Variants in GRAP2 observed in about 807,000 individuals in gnomAD.
GRAP2 encodes GRB2 related adaptor protein 2.
GRAP2 carries 31 observed loss-of-function variants against 43.5 expected under a neutral mutation model. That is an observed-to-expected ratio of 0.71 (90% CI 0.54 to 0.96). GRAP2 has a LOEUF of 0.96. GRAP2 is among the 40% of genes least tolerant of loss of function. The probability of loss-of-function intolerance (pLI) is 0.00; values close to 1 mark genes in which losing one functional copy is unlikely to be tolerated. For synonymous variants in GRAP2, 156 were observed against 164.8 expected (o/e 0.95, Z 0.41); for missense variants, 371 against 424.4 (o/e 0.87, Z 1.11).
In GRAP2 at chr22:39,973,096, C is replaced by T. The variant is rs1164517944; in HGVS notation, c.*2012C>T. 6.6e-6 allele frequency: 1 copy of T among 152,476 alleles called. No homozygotes were observed. The highest frequency in any genetic ancestry group is 1.5e-5 in the Non-Finnish European group (1 of 68,078). The allele number at this position is 152,476 out of a possible 1,614,324, so 9.4% of individuals were successfully genotyped here. On this transcript the variant is annotated 3_prime_UTR_variant, in exon 8 of 8. Coordinates refer to ENST00000344138, the MANE Select transcript of GRAP2 (RefSeq NM_004810.4). Reference sequence around the variant, plus strand: ...GAAAGAACAAAGGCAGAGAAGACCTCCTCAGCTATTTTGGTGCTAGGTAAT... The same window carrying T: ...GAAAGAACAAAGGCAGAGAAGACCTTCTCAGCTATTTTGGTGCTAGGTAAT...
chr22:39,964,391 G>T (rs772945574), intron 4 of GRAP2: 4 of 769,148 alleles, frequency 5.2e-6, no homozygotes, highest in Non-Finnish European at 9.0e-6. Context: ...AGCCACGAAG[G>T]TGGCAAGAAG....
At chr22:39,893,978 C>G in the GRAP2 span, 1 of 146,276 alleles carries the variant, frequency 6.8e-6, no homozygotes, top group African/African-American at 2.5e-5. Context: ...TTTTTGAGAT[C>G]TGGGAAATAG....
At chr22:39,910,533 C>T (rs1179472976) in intron 1 of GRAP2, among the ~76,000 whole-genome samples, 3 of 151,944 alleles carry the variant, frequency 2.0e-5, no homozygotes, top group South Asian at 2.1e-4. Flanking sequence ...CTCAGCCTCC[C>T]GAGTAGCTGG....
chr22:39,919,828 T>C (rs1246062849), intron 1 of GRAP2, among the ~76,000 whole-genome samples: 1 of 152,270 alleles, frequency 6.6e-6, no homozygotes, highest in Admixed American at 6.5e-5. Flanking sequence ...CATGCATTCA[T>C]GTAAATACAA....
At chr22:39,901,012 A>G (rs1383074151), upstream of GRAP2, 1 of 254,018 alleles carries the variant, frequency 3.9e-6, no homozygotes, top group Non-Finnish European at 7.9e-6. Context: ...AGAAAACAAA[A>G]CCACATAATC....
chr22:39,963,289 T>C (rs1383296405), intron 4 of GRAP2, among the ~76,000 whole-genome samples: 2 of 152,212 alleles, frequency 1.3e-5, no homozygotes, highest in East Asian at 1.9e-4. Context: ...TTTGTTCCTC[T>C]TCAGGCTTGA....
chr22:39,949,152 G>A (rs1328291948), intron 2 of GRAP2, among the ~76,000 whole-genome samples: 2 of 151,794 alleles, frequency 1.3e-5, no homozygotes, highest in Admixed American at 6.6e-5. Context: ...AAACCCCCAT[G>A]CCCATCTCAC....
chr22:39,914,813 C>T (rs1398747482), intron 1 of GRAP2, among the ~76,000 whole-genome samples: 2 of 152,126 alleles, frequency 1.3e-5, no homozygotes, highest in South Asian at 2.1e-4. Context: ...TGCGACAGAA[C>T]GTACGTACGT....
At chr22:39,967,092 A>G (rs1465986028) in intron 5 of GRAP2, among the ~76,000 whole-genome samples, 2 of 152,242 alleles carry the variant, frequency 1.3e-5, no homozygotes, top group East Asian at 1.9e-4. Context: ...ATTCACTAGA[A>G]TAGCTGAAAT....
At chr22:39,968,019 A>T in intron 5 of GRAP2, 23 bp from the exon 6 acceptor site, 2 of 1,604,822 alleles carry the variant, frequency 1.2e-6, no homozygotes, top group Non-Finnish European at 1.7e-6. Flanking sequence ...ATGCATCTGC[A>T]GCATCTCTGT....
upstream of GRAP2, among the ~76,000 whole-genome samples, chr22:39,896,925 C>T (rs552687145): frequency 6.6e-6 from 1 of 152,304 alleles, no homozygotes; most frequent in African/African-American, 2.4e-5. Flanking sequence ...CACCTGACTT[C>T]CCGGACACCA....
At chr22:39,910,887 G>T (rs919708691) in intron 1 of GRAP2, among the ~76,000 whole-genome samples, 1 of 152,128 alleles carries the variant, frequency 6.6e-6, no homozygotes, top group Non-Finnish European at 1.5e-5. Flanking sequence ...CTTACCTGCT[G>T]GTGCAGCTAA....
chr22:39,926,657 C>T, intron 1 of GRAP2: 1 of 985,276 alleles, frequency 1.0e-6, no homozygotes, highest in Non-Finnish European at 1.2e-6. Flanking sequence ...ATCGCTGGCT[C>T]TCAGGAGCTG....
chr22:39,907,540 C>T (rs887613565), intron 1 of GRAP2, among the ~76,000 whole-genome samples: 1 of 152,128 alleles, frequency 6.6e-6, no homozygotes, highest in African/African-American at 2.4e-5. Context: ...AGATTGAGAC[C>T]AGCCTGGGCA....
At chr22:39,900,967 T>G (rs1248800379), upstream of GRAP2, 1 of 246,894 alleles carries the variant, frequency 4.1e-6, no homozygotes, top group African/African-American at 2.3e-5. Context: ...AGTGTTTCAG[T>G]GAACCTCCTG....
upstream of GRAP2, among the ~76,000 whole-genome samples, chr22:39,899,425 C>T (rs1047873977): frequency 5.3e-5 from 8 of 152,096 alleles, no homozygotes; most frequent in African/African-American, 1.7e-4. Context: ...TGGGAGCTAT[C>T]AAAGAATAAG....
chr22:39,948,901 A>T (rs546088997), intron 2 of GRAP2, among the ~76,000 whole-genome samples: 4 of 151,894 alleles, frequency 2.6e-5, no homozygotes, highest in African/African-American at 9.7e-5. Flanking sequence ...TCCTCTCTTG[A>T]TCCTGAAATA....
At chr22:39,922,469 G>C (rs1226739229) in intron 1 of GRAP2, among the ~76,000 whole-genome samples, 1 of 152,178 alleles carries the variant, frequency 6.6e-6, no homozygotes, top group Non-Finnish European at 1.5e-5. Flanking sequence ...GAGGCACAGG[G>C]TCAAGGAAGG....
At chr22:39,961,351 T>G (rs2145667363) in intron 4 of GRAP2, among the ~76,000 whole-genome samples, 1 of 152,330 alleles carries the variant, frequency 6.6e-6, no homozygotes, top group African/African-American at 2.4e-5. Context: ...CTTCCAAGGC[T>G]GCTTCTGAAA....
Sources: allele counts gnomAD v4.1 joint callset (sites outside exome capture counted in the v4.1 genomes callset), GRCh38; gene constraint gnomAD v4.1.1; transcripts MANE v1.5; gene names NCBI Gene and HGNC (gene_info 2026-07-23, HGNC 2026-07-21).